Variants in DPP10 observed in about 807,000 individuals in gnomAD.
DPP10 encodes dipeptidyl peptidase like 10.
DPP10 carries 33 observed loss-of-function variants against 120.9 expected under a neutral mutation model. The ratio of observed to expected loss-of-function variants is 0.27; its 90% CI spans 0.21 to 0.37. The LOEUF is 0.37. Among genes scored for constraint, DPP10 ranks in the 10% least tolerant of loss-of-function variants. The probability of loss-of-function intolerance (pLI) is 1.00; values close to 1 mark genes in which losing one functional copy is unlikely to be tolerated. For missense variants in DPP10, 816 were observed against 942.8 expected, an observed-to-expected ratio of 0.87 and a Z score of 1.76; for synonymous variants, 337 against 326.1, an observed-to-expected ratio of 1.03 and a Z score of -0.36.
At chr2:114,740,296 G>T (rs1677899715) in intron 1 of DPP10, among the ~76,000 whole-genome samples, 2 of 143,106 alleles carry the variant, frequency 1.4e-5, no homozygotes, top group South Asian at 2.3e-4. Flanking sequence ...TCACAGGTGG[G>T]AATTGAACAA....
chr2:115,067,872 AAAAAAAAAG>A (rs1559054951), intron 1 of DPP10, among the ~76,000 whole-genome samples: 6 of 133,092 alleles, frequency 4.5e-5, no homozygotes, highest in Non-Finnish European at 6.4e-5. Context: ...AAAAAAAAAA[AAAAAAAAAG>A]AAAAAAAAGA....
chr2:115,250,643 G>A (rs2058715024), intron 1 of DPP10, among the ~76,000 whole-genome samples: 1 of 152,098 alleles, frequency 6.6e-6, no homozygotes, highest in Non-Finnish European at 1.5e-5. Context: ...ATATTGCCAA[G>A]TATGCCAACC....
intron 1 of DPP10, among the ~76,000 whole-genome samples, chr2:114,587,141 CA>C (rs566663464): frequency 7.4e-5 from 11 of 147,866 alleles, no homozygotes; most frequent in Non-Finnish European, 1.2e-4. Flanking sequence ...ACTAAAAATA[CA>C]AAAAAAAAAT....
chr2:114,634,414 T>C (rs1201051988), intron 1 of DPP10, among the ~76,000 whole-genome samples: 3 of 151,860 alleles, frequency 2.0e-5, no homozygotes, highest in African/African-American at 4.9e-5. Context: ...CTATCATTAA[T>C]TGGTGAATGA....
At chr2:115,218,706 A>T (rs1447923905) in intron 1 of DPP10, among the ~76,000 whole-genome samples, 1 of 152,090 alleles carries the variant, frequency 6.6e-6, no homozygotes, top group Non-Finnish European at 1.5e-5. Context: ...TGTATACTGG[A>T]AAGACTTATA....
intron 1 of DPP10, among the ~76,000 whole-genome samples, chr2:114,513,202 A>G (rs1375055018): frequency 1.3e-5 from 2 of 152,262 alleles, no homozygotes; most frequent in African/African-American, 4.8e-5. Flanking sequence ...CCTTTTATAT[A>G]TGTTCTCTCA....
chr2:115,095,126 T>C (rs1573592963), intron 1 of DPP10, among the ~76,000 whole-genome samples: 1 of 152,190 alleles, frequency 6.6e-6, no homozygotes, highest in South Asian at 2.1e-4. Context: ...TGAAATCAAT[T>C]TCTTGTGAGT....
chr2:115,515,723 A>G (rs1362023719), intron 4 of DPP10, among the ~76,000 whole-genome samples: 1 of 152,114 alleles, frequency 6.6e-6, no homozygotes, highest in East Asian at 1.9e-4. Context: ...GAATGAATGT[A>G]AAGGAAGAGA....
intron 5 of DPP10, among the ~76,000 whole-genome samples, chr2:115,605,223 G>T (rs1354755050): frequency 1.3e-5 from 2 of 152,000 alleles, no homozygotes; most frequent in Admixed American, 6.6e-5. Flanking sequence ...TGTCACAAGG[G>T]TTATATAATT....
At chr2:114,919,380 AT>A (rs70941014) in intron 1 of DPP10, among the ~76,000 whole-genome samples, 9,313 of 152,308 alleles carry the variant, frequency 0.061, 415 homozygotes, top group South Asian at 0.16. Flanking sequence ...CACTAGTTTA[AT>A]TGACTGAAGA....
intron 5 of DPP10, among the ~76,000 whole-genome samples, chr2:115,665,286 A>C (rs114334306): frequency 1.0e-3 from 155 of 152,314 alleles, no homozygotes; most frequent in African/African-American, 3.5e-3. Context: ...CTTTATCACA[A>C]CTTGTTTGTC....
chr2:114,829,452 C>T (rs1183580464), intron 1 of DPP10, among the ~76,000 whole-genome samples: 8 of 148,946 alleles, frequency 5.4e-5, no homozygotes, highest in Admixed American at 1.3e-4. Context: ...GGCAAGACCT[C>T]GGCTCACTGC....
chr2:115,339,866 C>T (rs1051088249), intron 2 of DPP10, among the ~76,000 whole-genome samples: 2 of 152,194 alleles, frequency 1.3e-5, no homozygotes, highest in African/African-American at 4.8e-5. Flanking sequence ...CTGTTCTTGA[C>T]TGTGGTGCTG....
chr2:115,034,572 C>CATATGTATATGAG (rs1704088122), intron 1 of DPP10, among the ~76,000 whole-genome samples: 1 of 152,124 alleles, frequency 6.6e-6, no homozygotes, highest in Non-Finnish European at 1.5e-5. Flanking sequence ...ATGAGAATGA[C>CATATGTATATGAG]CATTCAGTTA....
intron 1 of DPP10, among the ~76,000 whole-genome samples, chr2:114,938,832 C>G (rs1261109596): frequency 6.8e-6 from 1 of 146,968 alleles, no homozygotes. Context: ...CTTTTTTGCT[C>G]TCATCATCAT....
chr2:114,584,467 C>T (rs1690781530), intron 1 of DPP10, among the ~76,000 whole-genome samples: 1 of 151,682 alleles, frequency 6.6e-6, no homozygotes, highest in South Asian at 2.1e-4. Flanking sequence ...CATATGTATA[C>T]ATGTGCCATG....
At chr2:114,761,857 A>G (rs1680310497) in intron 1 of DPP10, among the ~76,000 whole-genome samples, 1 of 152,164 alleles carries the variant, frequency 6.6e-6, no homozygotes, top group Non-Finnish European at 1.5e-5. Flanking sequence ...CTCTGAGAAG[A>G]CTTCAGATAA....
chr2:114,646,846 G>C (rs1008158500), intron 1 of DPP10, among the ~76,000 whole-genome samples: 1 of 152,162 alleles, frequency 6.6e-6, no homozygotes, highest in African/African-American at 2.4e-5. Context: ...TCCCACCAAG[G>C]TGTCTGTAAA....
intron 1 of DPP10, among the ~76,000 whole-genome samples, chr2:114,529,984 C>T (rs1444686121): frequency 6.6e-6 from 1 of 152,110 alleles, no homozygotes; most frequent in Non-Finnish European, 1.5e-5. Flanking sequence ...TGATGGCCTC[C>T]AGCTCCATCT....
Sources: gnomAD v4.1 joint callset for allele counts (sites outside exome capture counted in the v4.1 genomes callset) on GRCh38, gnomAD v4.1.1 for gene constraint, MANE v1.5 for transcripts, NCBI Gene and HGNC (gene_info 2026-07-23, HGNC 2026-07-21) for gene names.